Variants in ADGRD1 observed in about 807,000 individuals in gnomAD.
ADGRD1 encodes the protein adhesion G protein-coupled receptor D1.
ADGRD1 carries 77 observed loss-of-function variants against 113.4 expected under a neutral mutation model. The observed-to-expected ratio is 0.68, with a 90% CI of 0.57 to 0.82. The LOEUF (loss-of-function observed/expected upper bound fraction) is 0.82, where lower values mean the gene tolerates loss of function less well. ADGRD1 is among the 40% of genes least tolerant of loss of function. The pLI is 0.00. For missense variants in ADGRD1, 1,036 were observed against 1,139.1 expected (o/e 0.91, Z 1.30); for synonymous variants, 474 against 475.0 (o/e 1.00, Z 0.03).
At chr12:131,098,116 C>CTCACCGCCT in intron 15 of ADGRD1, among the ~76,000 whole-genome samples, 1 of 22,956 alleles carries the variant, frequency 4.4e-5, no homozygotes, top group Admixed American at 7.6e-4. Flanking sequence ...CTGCTGTCCC[C>CTCACCGCCT]TCTCCCACTG....
At chr12:131,121,024 A>T in intron 20 of ADGRD1, 111 bp downstream of exon 20, 1 of 952,338 alleles carries the variant, frequency 1.1e-6, no homozygotes, top group Admixed American at 2.3e-5. Flanking sequence ...CGAAGGATGC[A>T]GCGTCGTTCC....
chr12:131,130,791 C>G (rs1024503785), intron 20 of ADGRD1, among the ~76,000 whole-genome samples: 1 of 151,734 alleles, frequency 6.6e-6, no homozygotes, highest in Non-Finnish European at 1.5e-5. Context: ...GTGCGGGGCC[C>G]CAGTGGCTGC....
At chr12:131,132,072 T>C (rs939291505) in intron 21 of ADGRD1, among the ~76,000 whole-genome samples, 1 of 152,086 alleles carries the variant, frequency 6.6e-6, no homozygotes, top group Non-Finnish European at 1.5e-5. Context: ...CTCCTAGGGA[T>C]TTCTTCACCC....
intron 13 of ADGRD1, among the ~76,000 whole-genome samples, chr12:131,039,152 G>A (rs1376879495): frequency 4.6e-5 from 7 of 151,828 alleles, no homozygotes; most frequent in African/African-American, 7.2e-5. Flanking sequence ...TGCCCGCTGA[G>A]CCGGGACGGT....
At chr12:131,069,714 A>G (rs1408942990) in intron 13 of ADGRD1, 1 of 152,366 alleles carries the variant, frequency 6.6e-6, no homozygotes, top group African/African-American at 2.4e-5. Flanking sequence ...ACAATGTATC[A>G]GAGTGAAGTC....
At position 131,004,278 on chromosome 12, in the gene ADGRD1, G is replaced by A. The variant is rs142628291; in HGVS notation, c.1237G>A (p.Glu413Lys). Residue 413 changes from glutamate (E) to lysine (K), a missense_variant, in exon 11 of 25, where the codon GAG becomes AAG. By Grantham distance (56) the Glu-to-Lys change is moderately conservative. Coordinates refer to ENST00000261654, the MANE Select transcript of ADGRD1 (RefSeq NM_198827.5). ...GCAGAGCTTCATCCAGATCCCCCAC[G>A]AGGCCTTCCACAGGCACGGTGAGTG... ...HGQSFIQIPH[E>K]AFHRHAWSTV... is the part of the protein sequence containing the mutation. 119 of 1,612,518 alleles carry A rather than the reference G, an allele frequency of 7.4e-5. No individual in the cohort carries two copies. The African/African-American group carries it at 1.0e-3, about 14-fold the overall frequency.
At position 130,992,018 on chromosome 12, in the gene ADGRD1, G is replaced by T. The variant is rs541826666; in HGVS notation, c.811-219G>T. ...CGCCTGTAGTCTCAGCTACTTGGGAGGCTGAGGCAAGAGACTCGCTTGAAC... is the reference window on the plus strand; with the variant it reads ...CGCCTGTAGTCTCAGCTACTTGGGATGCTGAGGCAAGAGACTCGCTTGAAC... On this transcript the variant is annotated intron_variant, in intron 7 of 24. Coordinates refer to ENST00000261654, the MANE Select transcript of ADGRD1 (RefSeq NM_198827.5). 2.0e-5 allele frequency among the ~76,000 whole-genome samples: 3 copies of T among 152,068 alleles called. No homozygotes were observed. In the East Asian group the frequency reaches 5.8e-4, roughly 29 times the overall value.
At chr12:130,991,886 C>T (rs563016967) in intron 7 of ADGRD1, among the ~76,000 whole-genome samples, 3 of 152,056 alleles carry the variant, frequency 2.0e-5, no homozygotes, top group South Asian at 2.1e-4. Context: ...TTTGGGAGGT[C>T]GAGGCAGAAG....
At chr12:131,069,304 A>G (rs1002435857) in intron 13 of ADGRD1, 5 of 152,200 alleles carry the variant, frequency 3.3e-5, no homozygotes, top group Admixed American at 6.5e-5. Flanking sequence ...TGTGCTGAGT[A>G]ACATGGTGGG....
intron 13 of ADGRD1, chr12:131,070,713 G>A (rs1171268169): frequency 4.4e-6 from 2 of 456,456 alleles, no homozygotes; most frequent in Non-Finnish European, 9.0e-6. Context: ...GTCCATCACT[G>A]CAAGGCTCCA....
At chr12:131,028,046 G>C (rs1464421023) in intron 13 of ADGRD1, 1 of 152,168 alleles carries the variant, frequency 6.6e-6, no homozygotes, top group Non-Finnish European at 1.5e-5. Context: ...ATGAACAGCT[G>C]GTGCCCGGTG....
At chr12:131,134,409 C>A (rs2136105939) in intron 21 of ADGRD1, among the ~76,000 whole-genome samples, 1 of 152,326 alleles carries the variant, frequency 6.6e-6, no homozygotes, top group East Asian at 1.9e-4. Context: ...CCCCCAAGAT[C>A]TTCTTCTATT....
At chr12:131,103,065 C>T (rs903806194) in intron 15 of ADGRD1, among the ~76,000 whole-genome samples, 1 of 152,244 alleles carries the variant, frequency 6.6e-6, no homozygotes, top group Non-Finnish European at 1.5e-5. Context: ...CCACGCAGTG[C>T]CCACCTTTCC....
chr12:130,994,448 C>T (rs1313520205), intron 8 of ADGRD1, among the ~76,000 whole-genome samples: 1 of 152,170 alleles, frequency 6.6e-6, no homozygotes, highest in Non-Finnish European at 1.5e-5. Flanking sequence ...GCACTGGCAC[C>T]CTCCCCTCTA....
At position 130,966,359 on chromosome 12, in the gene ADGRD1, G is replaced by C; in HGVS notation, c.104-104G>C. 1.4e-5 allele frequency: 10 copies of C among 714,116 alleles called. No homozygotes were observed. Among genetic ancestry groups the C allele is most frequent in the Admixed American group, 6.1e-5 (3 of 49,058 alleles). 44.2% of individuals were successfully genotyped at this position (714,116 alleles called of 1,614,324 possible). On this transcript the variant is annotated intron_variant, in intron 2 of 24. Coordinates refer to ENST00000261654, the MANE Select transcript of ADGRD1 (RefSeq NM_198827.5). This position sits in a 1 kb window ranked among gnomAD's most constrained non-coding sequence, Gnocchi z 4.6. ...CTTTCAGTATCTCCCACAGACATGGGATCCTTTTACTCTTCCCCCATAATG... is the reference window on the plus strand; with the variant it reads ...CTTTCAGTATCTCCCACAGACATGGCATCCTTTTACTCTTCCCCCATAATG...
At chr12:131,101,377 C>CTTTCTTTTTTTTTTTTT (rs1950076237) in intron 15 of ADGRD1, among the ~76,000 whole-genome samples, 7 of 36,148 alleles carry the variant, frequency 1.9e-4, no homozygotes, top group African/African-American at 6.4e-4. Flanking sequence ...TTCTTTCTTT[C>CTTTCTTTTTTTTTTTTT]TTTTTTTTTT....
At chr12:131,100,112 A>G (rs997423692) in intron 15 of ADGRD1, among the ~76,000 whole-genome samples, 1 of 150,218 alleles carries the variant, frequency 6.7e-6, no homozygotes, top group Non-Finnish European at 1.5e-5. Context: ...GTTGATTGAT[A>G]GGTTGGTTTA....
At chr12:131,098,637 G>T (rs1314614246) in intron 15 of ADGRD1, among the ~76,000 whole-genome samples, 1 of 152,158 alleles carries the variant, frequency 6.6e-6, no homozygotes, top group Non-Finnish European at 1.5e-5. Context: ...AAGGGCCTGG[G>T]TCAGGGCCTT....
intron 13 of ADGRD1, among the ~76,000 whole-genome samples, chr12:131,021,447 A>G (rs1019689490): frequency 6.6e-6 from 1 of 152,118 alleles, no homozygotes; most frequent in Non-Finnish European, 1.5e-5. Flanking sequence ...CCTCCTGATT[A>G]GGCCGATGCT....
Sources: allele counts gnomAD v4.1 joint callset (sites outside exome capture counted in the v4.1 genomes callset), GRCh38; gene constraint gnomAD v4.1.1; non-coding constraint Gnocchi (gnomAD v3.1); transcripts MANE v1.5; gene names NCBI Gene and HGNC (gene_info 2026-07-23, HGNC 2026-07-21).